CDYL: variants seen among roughly 807,000 people sequenced by gnomAD.
CDYL encodes the protein chromodomain Y like.
In CDYL, 8 loss-of-function variants were observed where a neutral mutation model predicts 47.3. The observed-to-expected ratio is 0.17, with a 90% CI of 0.10 to 0.31. The LOEUF is 0.31. CDYL is among the 10% of genes least tolerant of loss of function. The pLI is 1.00. For missense variants in CDYL, 471 were observed against 701.4 expected (o/e 0.67, Z 3.71); for synonymous variants, 266 against 265.0 (o/e 1.00, Z -0.04).
chr6:4,852,172 G>T (rs1760847903), intron 1 of CDYL, among the ~76,000 whole-genome samples: 1 of 152,104 alleles, frequency 6.6e-6, no homozygotes, highest in Non-Finnish European at 1.5e-5. Flanking sequence ...GATGATCCTT[G>T]CTGAATCTTC....
At chr6:4,713,001 G>A (rs546741173) in intron 1 of CDYL, among the ~76,000 whole-genome samples, 32 of 152,288 alleles carry the variant, frequency 2.1e-4, no homozygotes, top group African/African-American at 6.7e-4. Flanking sequence ...AAAAATTAGC[G>A]AGGTGTGGTG....
chr6:4,787,579 C>T (rs1758788478), intron 1 of CDYL, among the ~76,000 whole-genome samples: 1 of 152,004 alleles, frequency 6.6e-6, no homozygotes, highest in African/African-American at 2.4e-5. Context: ...AAGTTCAGTG[C>T]TGAGACCAGA....
chr6:4,924,696 A>C (rs1471194469), intron 2 of CDYL, among the ~76,000 whole-genome samples: 1 of 152,182 alleles, frequency 6.6e-6, no homozygotes, highest in Non-Finnish European at 1.5e-5. Flanking sequence ...TTCTCGAGTC[A>C]ACCAAAAAAT....
chr6:4,817,667 A>G (rs1326675991), intron 1 of CDYL, among the ~76,000 whole-genome samples: 1 of 152,170 alleles, frequency 6.6e-6, no homozygotes, highest in East Asian at 1.9e-4. Flanking sequence ...TTGAGGGCCT[A>G]AATCTCATAA....
At chr6:4,869,280 G>C (rs1256380269) in intron 1 of CDYL, among the ~76,000 whole-genome samples, 1 of 152,024 alleles carries the variant, frequency 6.6e-6, no homozygotes, top group Admixed American at 6.6e-5. Context: ...GTTTTTAGTA[G>C]AGATGGGGTT....
intron 3 of CDYL, among the ~76,000 whole-genome samples, chr6:4,754,552 C>T (rs946006745): frequency 1.3e-5 from 2 of 152,136 alleles, no homozygotes; most frequent in Non-Finnish European, 2.9e-5. Flanking sequence ...ACTCTTTGCT[C>T]TCTGAGTATA....
chr6:4,886,761 A>G (rs1160985237), intron 1 of CDYL, among the ~76,000 whole-genome samples: 1 of 152,046 alleles, frequency 6.6e-6, no homozygotes, highest in Non-Finnish European at 1.5e-5. Flanking sequence ...TTCTGGTGCC[A>G]TATGCAAGAA....
chr6:4,819,162 CTGTGTG>C (rs374323088), intron 1 of CDYL, among the ~76,000 whole-genome samples: 1,479 of 111,594 alleles, frequency 0.013, 36 homozygotes, highest in African/African-American at 0.017. Flanking sequence ...CTCTCTCTCT[CTGTGTG>C]TGTGTGTGTG....
intron 1 of CDYL, among the ~76,000 whole-genome samples, chr6:4,822,458 T>C (rs1759867640): frequency 6.6e-6 from 1 of 152,212 alleles, no homozygotes; most frequent in South Asian, 2.1e-4. Context: ...TTAATAGTTT[T>C]GGAATAACCA....
intron 3 of CDYL, 74 bp from the exon 4 acceptor site, chr6:4,937,491 C>A: frequency 8.2e-7 from 1 of 1,215,808 alleles, no homozygotes; most frequent in Non-Finnish European, 1.1e-6. Flanking sequence ...GTGAGACTCT[C>A]TCCAAAAAAA....
chr6:4,819,314 A>G (rs1272492933), intron 1 of CDYL, among the ~76,000 whole-genome samples: 1 of 151,700 alleles, frequency 6.6e-6, no homozygotes, highest in Non-Finnish European at 1.5e-5. Context: ...TTCATACTCA[A>G]CTCATAGAAG....
intron 2 of CDYL, among the ~76,000 whole-genome samples, chr6:4,926,740 A>G (rs961306864): frequency 3.9e-5 from 6 of 152,254 alleles, no homozygotes; most frequent in African/African-American, 1.4e-4. Flanking sequence ...TAACATTTCT[A>G]TAATTTACAT....
At chr6:4,908,313 G>T (rs112229476) in intron 2 of CDYL, among the ~76,000 whole-genome samples, 1 of 152,318 alleles carries the variant, frequency 6.6e-6, no homozygotes, top group South Asian at 2.1e-4. Flanking sequence ...CATCCAGGCC[G>T]TGTAGATGAT....
rs548769415 is a variant in CDYL at position 4,838,271 on chromosome 6, C to G, written c.25-53442C>G. 1.7e-3 allele frequency among the ~76,000 whole-genome samples: 263 copies of G among 152,268 alleles called. 3 individuals are homozygous for G. The highest frequency in any genetic ancestry group is 6.0e-3 in the African/African-American group (249 of 41,558). On this transcript the variant is annotated intron_variant, in intron 1 of 6. Coordinates refer to ENST00000397588, the MANE Select transcript of CDYL (RefSeq NM_004824.4). ...GCACCCATCACCCGAGCAGTGTACA[C>G]TGTACTCAATGTGTCGTCTTTTATC...
At chr6:4,898,539 G>A (rs1253456190) in intron 2 of CDYL, among the ~76,000 whole-genome samples, 5 of 152,130 alleles carry the variant, frequency 3.3e-5, no homozygotes, top group Non-Finnish European at 4.4e-5. Context: ...CAAACGAGAG[G>A]GGAGTAGTCC....
rs1757241433 is a variant in CDYL at position 4,715,633 on chromosome 6, T to A, written c.-38-108T>A. 4.6e-6 allele frequency: 5 copies of A among 1,083,046 alleles called. No individual in the cohort carries two copies. In the East Asian group the frequency reaches 1.3e-4, roughly 29 times the overall value. 67.1% of individuals were successfully genotyped at this position (1,083,046 alleles called of 1,614,324 possible). Reference sequence around the variant, plus strand: ...CTCTGCACAAGCACAAAATGCTGGCTCACTCTCAGATTCAATGTAGAACTG... The same window carrying A: ...CTCTGCACAAGCACAAAATGCTGGCACACTCTCAGATTCAATGTAGAACTG... On this transcript the variant is annotated intron_variant, in intron 1 of 8. Transcript: ENST00000328908.
At chr6:4,872,235 C>G (rs908808064) in intron 1 of CDYL, among the ~76,000 whole-genome samples, 4 of 151,824 alleles carry the variant, frequency 2.6e-5, no homozygotes, top group Admixed American at 6.6e-5. Flanking sequence ...GCTGTGAAAC[C>G]TGTCATGACC....
At chr6:4,916,072 T>C (rs1757548866) in intron 2 of CDYL, among the ~76,000 whole-genome samples, 1 of 152,194 alleles carries the variant, frequency 6.6e-6, no homozygotes, top group Non-Finnish European at 1.5e-5. Flanking sequence ...CTTACATGTA[T>C]TGATTTATGT....
rs148719914 is a variant in CDYL at position 4,843,662 on chromosome 6, T to C, written c.25-48051T>C. On this transcript the variant is annotated intron_variant, in intron 1 of 6. Coordinates refer to ENST00000397588, the MANE Select transcript of CDYL (RefSeq NM_004824.4). ...TGCATTTCTCTAAGTGTGTTTTTCA[T>C]TTCCATAAGTCGTGATTATTTTTTA... 3.2e-3 allele frequency among the ~76,000 whole-genome samples: 491 copies of C among 152,246 alleles called. 2 individuals are homozygous for C. Among genetic ancestry groups the C allele is most frequent in the African/African-American group, 7.9e-3 (329 of 41,568 alleles).
Sources: gnomAD v4.1 joint callset for allele counts (sites outside exome capture counted in the v4.1 genomes callset) on GRCh38, gnomAD v4.1.1 for gene constraint, MANE v1.5 for transcripts, NCBI Gene and HGNC (gene_info 2026-07-23, HGNC 2026-07-21) for gene names.